TRAPPC2L: variants seen among roughly 807,000 people sequenced by gnomAD.
TRAPPC2L encodes the protein trafficking protein particle complex subunit 2-like protein.
TRAPPC2L carries 17 observed loss-of-function variants against 13.2 expected under a neutral mutation model. That is an observed-to-expected ratio of 1.29 (90% confidence interval 0.88 to 1.93). The LOEUF (loss-of-function observed/expected upper bound fraction) is 1.93. Among genes scored for constraint, TRAPPC2L ranks in the 30% most tolerant of loss-of-function variants. The pLI is 0.00. For missense variants in TRAPPC2L, 359 were observed against 252.1 expected (o/e 1.42, Z -2.87); for synonymous variants, 150 against 98.1 (o/e 1.53, Z -3.12).
At chr16:88,856,626 C>T (rs1257117763), upstream of TRAPPC2L, 5 of 531,668 alleles carry the variant, frequency 9.4e-6, no homozygotes, top group Non-Finnish European at 1.7e-5. Context: ...GGGCCTCCCC[C>T]CTTCCCCAAG....
chr16:88,856,776 C>G (rs748866414), upstream of TRAPPC2L: 15 of 1,545,444 alleles, frequency 9.7e-6, no homozygotes, highest in South Asian at 1.7e-4. Flanking sequence ...TGAGCAGGAG[C>G]AGGATGTTGG....
In TRAPPC2L at chr16:88,859,782, G is replaced by A. The variant is rs772288720; in HGVS notation, c.294+32G>A. On this transcript the variant is annotated intron_variant, in intron 3 of 3. Coordinates refer to ENST00000565504, the Ensembl canonical transcript of TRAPPC2L. ...CAGGGAGTTAGAGGGCCACGCCCGA[G>A]TGGGTGTTTTGTTTTTCCTTTTTGA... 5.0e-6 allele frequency: 8 copies of A among 1,598,346 alleles called. No homozygotes were observed. The African/African-American group carries it at 9.4e-5, about 19-fold the overall frequency.
chr16:88,861,013 C>T, exon 4 of TRAPPC2L: 7 of 1,536,680 alleles, frequency 4.6e-6, no homozygotes, highest in Non-Finnish European at 6.1e-6. Context: ...TGTGGTGGGG[C>T]CGTCGGTCTG....
rs745360396 is a variant in TRAPPC2L, at chr16:88,860,895, G to T, written c.*571G>T. On this transcript the variant is annotated 3_prime_UTR_variant, in exon 4 of 4. Coordinates refer to ENST00000565504, the Ensembl canonical transcript of TRAPPC2L. ...GGAGGGCCTGGCTCTCCTCTGAGTG[G>T]GTCTGTTTCTCTTAGCAGGGCCTTT... 6 of 1,584,834 alleles carry T rather than the reference G, an allele frequency of 3.8e-6. No individual in the cohort carries two copies. The highest frequency in any genetic ancestry group is 5.1e-6 in the Non-Finnish European group (6 of 1,167,314).
chr16:88,857,754 C>T (rs1214491023), intron 1 of TRAPPC2L, among the ~76,000 whole-genome samples: 1 of 152,236 alleles, frequency 6.6e-6, no homozygotes, highest in African/African-American at 2.4e-5. Flanking sequence ...CACCTGTGGG[C>T]CTTTGCACGC....
At chr16:88,856,676 C>A (rs1967922015), upstream of TRAPPC2L, 1 of 490,408 alleles carries the variant, frequency 2.0e-6, no homozygotes, top group Non-Finnish European at 3.7e-6. Flanking sequence ...GCCCGCCCTT[C>A]CCCCACCTCG....
upstream of TRAPPC2L, chr16:88,856,265 G>C (rs1420090318): frequency 1.4e-6 from 1 of 702,904 alleles, no homozygotes; most frequent in Non-Finnish European, 2.6e-6. Context: ...GGAGCCCAGC[G>C]GGGGGACCCG....
At position 88,860,996 on chromosome 16, in the gene TRAPPC2L, G is replaced by A. The variant is rs769798928; in HGVS notation, c.*672G>A. ...TGCCAGCCATCGCAGAGGAGCCCGC[G>A]CACGACTGTGGTGGGGCCGTCGGTC... is the stretch of plus-strand genomic sequence containing the variant. On this transcript the variant is annotated 3_prime_UTR_variant, in exon 4 of 4. Coordinates refer to ENST00000565504, the Ensembl canonical transcript of TRAPPC2L. 3.0e-5 allele frequency: 46 copies of A among 1,558,688 alleles called. No homozygotes were observed. The East Asian group carries it at 3.2e-4, about 11-fold the overall frequency.
upstream of TRAPPC2L, chr16:88,856,595 C>T (rs867964763): frequency 8.0e-4 from 437 of 548,232 alleles, 1 homozygote; most frequent in African/African-American, 7.4e-3. Context: ...CCCGTCCCCT[C>T]CCCCTCCTCC....
upstream of TRAPPC2L, chr16:88,856,778 G>A: frequency 1.3e-6 from 2 of 1,542,086 alleles, no homozygotes; most frequent in Admixed American, 1.9e-5. Context: ...AGCAGGAGCA[G>A]GATGTTGGGG....
upstream of TRAPPC2L, chr16:88,856,906 C>T: frequency 6.7e-7 from 1 of 1,498,538 alleles, no homozygotes; most frequent in East Asian, 2.8e-5. Context: ...GGAGCCCCGG[C>T]CAGCGAGCCG....
Position 88,860,913 on chromosome 16 carries a change from G to T in TRAPPC2L, c.*589G>T. 6.3e-7 allele frequency: 1 copy of T among 1,592,902 alleles called. No individual in the cohort carries two copies. ...CTGAGTGGGTCTGTTTCTCTTAGCA[G>T]GGCCTTTGATAACATGGTGACGTCG... is the stretch of plus-strand genomic sequence containing the variant. On this transcript the variant is annotated 3_prime_UTR_variant, in exon 4 of 4. Coordinates refer to ENST00000565504, the Ensembl canonical transcript of TRAPPC2L.
upstream of TRAPPC2L, chr16:88,856,570 C>T (rs1967905468): frequency 3.3e-6 from 2 of 610,234 alleles, no homozygotes; most frequent in East Asian, 3.1e-5. Context: ...TCCCCCTCCC[C>T]GCACGGGGAT....
chr16:88,860,004 C>T (rs57613275), exon 4 of TRAPPC2L: 2 of 1,602,132 alleles, frequency 1.2e-6, no homozygotes, highest in Admixed American at 3.3e-5. Flanking sequence ...TTGCCACCTT[C>T]TTTCTGTAGG....
Position 88,859,753 on chromosome 16 carries a change from AAGTC to A in TRAPPC2L, c.294+6_294+9del, listed in dbSNP as rs780253789. The A allele has an allele frequency of 9.3e-6, 15 of 1,613,418 alleles. No individual in the cohort carries two copies. The highest frequency in any genetic ancestry group is 4.4e-5 in the South Asian group (4 of 90,964). On this transcript the variant is annotated splice_donor_5th_base_variant and intron_variant, in intron 3 of 3. Transcript: ENST00000565504. ...TTCGAGACAACGAAATTCGCAGCGT[AAGTC>A]AGGGAGTTAGAGGGCCACGCCCGAG...
exon 4 of TRAPPC2L, chr16:88,861,509 T>C (rs1310073159): frequency 5.3e-6 from 2 of 374,186 alleles, no homozygotes; most frequent in Non-Finnish European, 1.1e-5. Context: ...TTGTGAAACC[T>C]GGGAAGCCTC....
exon 4 of TRAPPC2L, chr16:88,860,045 C>T (rs1208295984): frequency 7.5e-7 from 1 of 1,333,992 alleles, no homozygotes; most frequent in African/African-American, 2.2e-5. Flanking sequence ...TGCCAAAATG[C>T]AACCATTTGG....
chr16:88,861,843 G>A, exon 4 of TRAPPC2L: 1 of 343,652 alleles, frequency 2.9e-6, no homozygotes, highest in South Asian at 2.1e-5. Context: ...GGGGGGGTCA[G>A]CCTAGGGCAG....
chr16:88,861,242 G>A (rs1968368564), exon 4 of TRAPPC2L: 4 of 474,988 alleles, frequency 8.4e-6, no homozygotes, highest in African/African-American at 5.9e-5. Context: ...TGTCCCAAAG[G>A]GGCAGAGGCA....
Sources: gnomAD v4.1 joint callset for allele counts (sites outside exome capture counted in the v4.1 genomes callset) on GRCh38, gnomAD v4.1.1 for gene constraint, MANE v1.5 for transcripts, NCBI Gene and HGNC (gene_info 2026-07-23, HGNC 2026-07-21) for gene names.